Variants in STAU2 observed in about 807,000 individuals in gnomAD.
STAU2 encodes the protein staufen double-stranded RNA binding protein 2.
In STAU2, 20 loss-of-function variants were observed where a neutral mutation model predicts 65.9. That is an observed-to-expected ratio of 0.30 (90% CI 0.21 to 0.44). STAU2 has a LOEUF of 0.44. Ranked by LOEUF, STAU2 falls within the 20% of genes least tolerant of loss-of-function variation. The pLI is 1.00. For synonymous variants in STAU2, 232 were observed against 233.9 expected (o/e 0.99, Z 0.07); for missense variants, 558 against 683.9 (o/e 0.82, Z 2.05).
intron 3 of STAU2, among the ~76,000 whole-genome samples, chr8:73,713,328 A>G (rs1007456084): frequency 6.6e-6 from 1 of 152,082 alleles, no homozygotes; most frequent in African/African-American, 2.4e-5. Flanking sequence ...GTGAAGAAAC[A>G]CAGCAACTGT....
chr8:73,568,129 T>C (rs1296701449), intron 12 of STAU2, among the ~76,000 whole-genome samples: 1 of 152,218 alleles, frequency 6.6e-6, no homozygotes, highest in Non-Finnish European at 1.5e-5. Context: ...TGCTTCATAA[T>C]TGATGCTTTG....
intron 13 of STAU2, among the ~76,000 whole-genome samples, chr8:73,451,782 G>A (rs1818812300): frequency 1.3e-5 from 2 of 152,072 alleles, no homozygotes; most frequent in African/African-American, 4.8e-5. Context: ...TTTCCAGAAT[G>A]TTCCTTTTAA....
chr8:73,575,850 T>C (rs933312927), intron 12 of STAU2, among the ~76,000 whole-genome samples: 8 of 151,976 alleles, frequency 5.3e-5, no homozygotes, highest in East Asian at 3.9e-4. Flanking sequence ...TGCTTGAAGG[T>C]CAGGGTGGCC....
chr8:73,706,278 C>T (rs10957686), intron 4 of STAU2, among the ~76,000 whole-genome samples: 30,930 of 151,670 alleles, frequency 0.2, 3,530 homozygotes, highest in East Asian at 0.37. Flanking sequence ...CACCACACCC[C>T]GGCTAATTTT....
chr8:73,588,245 T>C (rs934944937), intron 11 of STAU2, among the ~76,000 whole-genome samples: 2 of 152,200 alleles, frequency 1.3e-5, no homozygotes, highest in East Asian at 1.9e-4. Context: ...CTGGGAGAGA[T>C]AGGACTCACA....
At chr8:73,705,001 C>T (rs1260480769) in intron 4 of STAU2, among the ~76,000 whole-genome samples, 1 of 152,130 alleles carries the variant, frequency 6.6e-6, no homozygotes, top group African/African-American at 2.4e-5. Flanking sequence ...TGAGACAAAA[C>T]TCCTAACAGC....
At chr8:73,609,391 T>C (rs921562030) in intron 9 of STAU2, among the ~76,000 whole-genome samples, 2 of 151,902 alleles carry the variant, frequency 1.3e-5, no homozygotes, top group Non-Finnish European at 2.9e-5. Context: ...CGGTGGCTCA[T>C]GTCTGTAATT....
At chr8:73,586,193 A>C (rs939060030) in intron 11 of STAU2, among the ~76,000 whole-genome samples, 1 of 152,188 alleles carries the variant, frequency 6.6e-6, no homozygotes, top group Non-Finnish European at 1.5e-5. Flanking sequence ...GAGTAACTGA[A>C]ACCTAACCTG....
chr8:73,545,270 T>C (rs1806821873), intron 13 of STAU2, among the ~76,000 whole-genome samples: 2 of 152,174 alleles, frequency 1.3e-5, no homozygotes, highest in Non-Finnish European at 2.9e-5. Flanking sequence ...TTCTAGACTT[T>C]ATTTTGAGAC....
At chr8:73,701,099 C>A (rs28879521) in intron 4 of STAU2, among the ~76,000 whole-genome samples, 11,002 of 152,114 alleles carry the variant, frequency 0.072, 435 homozygotes, top group Middle Eastern at 0.14. Flanking sequence ...ACCCCTATCT[C>A]TTGCCATACA....
chr8:73,695,281 T>C (rs763070013), intron 4 of STAU2, among the ~76,000 whole-genome samples: 9 of 152,142 alleles, frequency 5.9e-5, no homozygotes, highest in South Asian at 2.1e-4. Flanking sequence ...TAAGCCACCA[T>C]AGGATAAGGC....
chr8:73,578,487 A>G (rs918724260), intron 12 of STAU2, among the ~76,000 whole-genome samples: 3 of 152,194 alleles, frequency 2.0e-5, no homozygotes, highest in Admixed American at 6.5e-5. Context: ...TCATCAATGT[A>G]AAAGAAGGAT....
At chr8:73,423,121 A>G (rs1816517943) in intron 13 of STAU2, among the ~76,000 whole-genome samples, 1 of 152,246 alleles carries the variant, frequency 6.6e-6, no homozygotes, top group South Asian at 2.1e-4. Context: ...TCAAATTGAT[A>G]GACACTTAGC....
intron 1 of STAU2, among the ~76,000 whole-genome samples, chr8:73,741,237 G>A (rs1253794996): frequency 3.5e-5 from 5 of 143,580 alleles, no homozygotes; most frequent in Non-Finnish European, 3.0e-5. Flanking sequence ...CCCGGGAGGC[G>A]GAGCTTGCAG....
chr8:73,607,401 T>C (rs186102741), intron 9 of STAU2, among the ~76,000 whole-genome samples: 35 of 152,240 alleles, frequency 2.3e-4, no homozygotes, highest in African/African-American at 7.9e-4. Context: ...ATACACAAGT[T>C]TATATATAGC....
intron 14 of STAU2, among the ~76,000 whole-genome samples, chr8:73,422,003 A>C (rs1003944371): frequency 6.6e-6 from 1 of 151,784 alleles, no homozygotes; most frequent in Non-Finnish European, 1.5e-5. Context: ...AGAGACCCCA[A>C]ATTCAGTCTC....
At chr8:73,486,408 T>C (rs6999858) in intron 13 of STAU2, among the ~76,000 whole-genome samples, 59,146 of 151,566 alleles carry the variant, frequency 0.39, 13,013 homozygotes, top group Non-Finnish European at 0.49. Context: ...TCCACATTAC[T>C]TTCTTTCCAG....
At chr8:73,641,942 T>C (rs1815009499) in intron 6 of STAU2, among the ~76,000 whole-genome samples, 1 of 152,208 alleles carries the variant, frequency 6.6e-6, no homozygotes, top group African/African-American at 2.4e-5. Flanking sequence ...CTGGATCAAA[T>C]GTACTCTTTT....
intron 6 of STAU2, among the ~76,000 whole-genome samples, chr8:73,671,882 A>G (rs201170596): frequency 6.6e-6 from 1 of 151,950 alleles, no homozygotes; most frequent in East Asian, 1.9e-4. Flanking sequence ...AAAATTAGCC[A>G]GGCATGGTGG....
Sources: allele counts gnomAD v4.1 joint callset (sites outside exome capture counted in the v4.1 genomes callset), GRCh38; gene constraint gnomAD v4.1.1; transcripts MANE v1.5; gene names NCBI Gene and HGNC (gene_info 2026-07-23, HGNC 2026-07-21).